TRMT11: variants seen among roughly 807,000 people sequenced by gnomAD.
The protein encoded by TRMT11 is tRNA (guanine(10)-N(2))-methyltransferase TRMT11.
Under a neutral mutation model 62.8 loss-of-function variants are expected in TRMT11, and 53 were observed. The ratio of observed to expected loss-of-function variants is 0.84; its 90% confidence interval spans 0.68 to 1.06. The LOEUF (loss-of-function observed/expected upper bound fraction) is 1.06. Ranked by LOEUF, TRMT11 falls within the 50% of genes least tolerant of loss-of-function variation. The probability of loss-of-function intolerance (pLI) is 0.00; values close to 1 mark genes in which losing one functional copy is unlikely to be tolerated. For missense variants in TRMT11, 556 were observed against 553.4 expected (o/e 1.00, Z -0.05); for synonymous variants, 188 against 190.3 (o/e 0.99, Z 0.10).
At chr6:126,197,582 A>G (rs961207932) in intron 1 of TRMT11, among the ~76,000 whole-genome samples, 3 of 152,192 alleles carry the variant, frequency 2.0e-5, no homozygotes, top group African/African-American at 4.8e-5. Context: ...AGATTTCTGT[A>G]TATTCCTCAG....
At chr6:126,244,175 T>TA in the TRMT11 span, among the ~76,000 whole-genome samples, 243 of 145,750 alleles carry the variant, frequency 1.7e-3, 2 homozygotes, top group African/African-American at 4.0e-3. Flanking sequence ...CTTCCTTCAT[T>TA]AAAAAAAAAA....
At chr6:126,169,558 G>T (rs80025534) in intron 21 of TRMT11, among the ~76,000 whole-genome samples, 1 of 152,292 alleles carries the variant, frequency 6.6e-6, no homozygotes, top group African/African-American at 2.4e-5. Flanking sequence ...AGTTCATAAA[G>T]CTGGAGTTAT....
the TRMT11 span, among the ~76,000 whole-genome samples, chr6:126,237,397 T>A: frequency 6.6e-6 from 1 of 152,154 alleles, no homozygotes; most frequent in Non-Finnish European, 1.5e-5. Context: ...AAAAGTGTCT[T>A]GGCCAGGCAC....
At chr6:126,198,641 C>T (rs1428627767) in intron 1 of TRMT11, among the ~76,000 whole-genome samples, 1 of 152,188 alleles carries the variant, frequency 6.6e-6, no homozygotes, top group Middle Eastern at 3.2e-3. Flanking sequence ...TTTAGTTAAT[C>T]TCAGTTTACA....
chr6:126,164,674 T>C (rs558454453), intron 21 of TRMT11, among the ~76,000 whole-genome samples: 43 of 152,338 alleles, frequency 2.8e-4, no homozygotes, highest in African/African-American at 1.0e-3. Flanking sequence ...TGGGTGCATA[T>C]ATATTTAGGA....
Position 126,013,036 on chromosome 6 carries a change from C to T in TRMT11, c.1074C>T (p.Asn358=). The change falls in exon 11 of 13, where the codon AAC becomes AAT. Residue 358 remains asparagine, a synonymous_variant. Coordinates refer to ENST00000334379, the MANE Select transcript of TRMT11 (RefSeq NM_001031712.3). The part of the protein sequence containing the change: ...HLSDMFLDLL[N]FAAETLVLGG... Reference sequence around the variant, plus strand: ...GTGATATGTTTCTTGACCTGTTAAACTTCGCAGCTGAGACCCTCGTTTTAG... The same window carrying T: ...GTGATATGTTTCTTGACCTGTTAAATTTCGCAGCTGAGACCCTCGTTTTAG... 1 of 1,613,924 alleles carries T rather than the reference C, an allele frequency of 6.2e-7. No homozygotes were observed. The highest frequency in any genetic ancestry group is 1.1e-5 in the South Asian group (1 of 91,072).
At chr6:126,098,704 A>G (rs1777365523) in intron 17 of TRMT11, among the ~76,000 whole-genome samples, 1 of 152,220 alleles carries the variant, frequency 6.6e-6, no homozygotes, top group Admixed American at 6.5e-5. Context: ...TAGTTAGTAG[A>G]AGCTGACTAA....
At chr6:126,072,950 C>A (rs777788231) in intron 17 of TRMT11, among the ~76,000 whole-genome samples, 1 of 152,106 alleles carries the variant, frequency 6.6e-6, no homozygotes, top group Non-Finnish European at 1.5e-5. Context: ...CACAAACATT[C>A]GGTCCATAGC....
chr6:126,256,962 T>G, the TRMT11 span, among the ~76,000 whole-genome samples: 1 of 152,116 alleles, frequency 6.6e-6, no homozygotes, highest in Non-Finnish European at 1.5e-5. Context: ...CTCGGTTCAC[T>G]GCAACCTCCA....
the TRMT11 span, among the ~76,000 whole-genome samples, chr6:126,214,331 T>C: frequency 6.6e-6 from 1 of 152,044 alleles, no homozygotes; most frequent in African/African-American, 2.4e-5. Flanking sequence ...TCTTTAAATA[T>C]CTGGTAAAAT....
chr6:126,249,942 A>G, the TRMT11 span, among the ~76,000 whole-genome samples: 1 of 152,186 alleles, frequency 6.6e-6, no homozygotes, highest in Non-Finnish European at 1.5e-5. Flanking sequence ...TAAATTACAT[A>G]CGATGCACAC....
At chr6:126,228,126 G>A in the TRMT11 span, among the ~76,000 whole-genome samples, 2 of 152,222 alleles carry the variant, frequency 1.3e-5, no homozygotes, top group Non-Finnish European at 2.9e-5. Context: ...ATCCCTCTGT[G>A]AGGCCCAGCT....
chr6:126,181,427 C>T (rs998646296), intron 1 of TRMT11, among the ~76,000 whole-genome samples: 1 of 152,142 alleles, frequency 6.6e-6, no homozygotes, highest in Non-Finnish European at 1.5e-5. Flanking sequence ...AAGATTATCA[C>T]CTAACTTCTG....
chr6:126,220,451 C>T, the TRMT11 span, among the ~76,000 whole-genome samples: 1 of 152,178 alleles, frequency 6.6e-6, no homozygotes, highest in Non-Finnish European at 1.5e-5. Context: ...TAGACATTTC[C>T]ATTCTAGGAA....
intron 1 of TRMT11, among the ~76,000 whole-genome samples, chr6:126,189,786 TGTA>T (rs1234699807): frequency 6.6e-6 from 1 of 152,174 alleles, no homozygotes; most frequent in Non-Finnish European, 1.5e-5. Flanking sequence ...TACTTTAACA[TGTA>T]GTAATCCCAA....
chr6:126,071,907 A>G (rs1361360168), intron 17 of TRMT11, among the ~76,000 whole-genome samples: 1 of 152,170 alleles, frequency 6.6e-6, no homozygotes, highest in Non-Finnish European at 1.5e-5. Flanking sequence ...AGCTCAGAGT[A>G]TCAGAGTTAG....
Position 126,124,990 on chromosome 6 carries a change from G to A in TRMT11, c.*1823+9135G>A, listed in dbSNP as rs577207614. Reference sequence around the variant, plus strand: ...AGTCACCAAGCTATAGGGGTAGGGAGGGATCAGGACATCAAACTGCACCTT... The same window carrying A: ...AGTCACCAAGCTATAGGGGTAGGGAAGGATCAGGACATCAAACTGCACCTT... On this transcript the variant is annotated intron_variant and NMD_transcript_variant, in intron 21 of 22. Coordinates refer to the TRMT11 transcript ENST00000648977. Among the ~76,000 whole-genome samples the A allele has an allele frequency of 1.6e-4, 25 of 152,166 alleles. No homozygotes were observed. In the South Asian group the frequency reaches 5.2e-3, roughly 32 times the overall value.
At chr6:126,217,755 C>T in the TRMT11 span, among the ~76,000 whole-genome samples, 1 of 152,040 alleles carries the variant, frequency 6.6e-6, no homozygotes, top group Non-Finnish European at 1.5e-5. Flanking sequence ...GCCTGGCTAC[C>T]TCCTGTATTC....
At chr6:126,217,050 A>T in the TRMT11 span, among the ~76,000 whole-genome samples, 1 of 152,142 alleles carries the variant, frequency 6.6e-6, no homozygotes. Context: ...ACAATATGTC[A>T]GTTGTGTTTT....
Sources: allele counts gnomAD v4.1 joint callset (sites outside exome capture counted in the v4.1 genomes callset), GRCh38; gene constraint gnomAD v4.1.1; transcripts MANE v1.5; gene names NCBI Gene and HGNC (gene_info 2026-07-23, HGNC 2026-07-21).